EPHB1: variants seen among roughly 807,000 people sequenced by gnomAD.
EPHB1 encodes the protein ephrin type-B receptor 1.
Under a neutral mutation model 94.4 loss-of-function variants are expected in EPHB1, and 30 were observed. That is an observed-to-expected ratio of 0.32 (90% confidence interval 0.24 to 0.43). EPHB1 has a LOEUF of 0.43. EPHB1 is among the 20% of genes least tolerant of loss of function. The probability of loss-of-function intolerance (pLI) is 1.00; values close to 1 mark genes in which losing one functional copy is unlikely to be tolerated. For missense variants in EPHB1, 1,055 were observed against 1,308.3 expected (o/e 0.81, Z 2.99); for synonymous variants, 522 against 489.1 (o/e 1.07, Z -0.89).
At chr3:135,136,490 T>C (rs1687160859) in intron 5 of EPHB1, among the ~76,000 whole-genome samples, 1 of 152,238 alleles carries the variant, frequency 6.6e-6, no homozygotes, top group Non-Finnish European at 1.5e-5. Flanking sequence ...TTTTTGTTTT[T>C]GTTTCTGTTC....
At chr3:134,865,177 C>A (rs1450632335) in intron 1 of EPHB1, among the ~76,000 whole-genome samples, 6 of 151,848 alleles carry the variant, frequency 4.0e-5, no homozygotes, top group African/African-American at 1.2e-4. Context: ...CAATGCTTAC[C>A]CTTTCTACAT....
intron 1 of EPHB1, among the ~76,000 whole-genome samples, chr3:134,896,479 G>A (rs1046152823): frequency 6.6e-6 from 1 of 152,210 alleles, no homozygotes; most frequent in African/African-American, 2.4e-5. Flanking sequence ...TGCTCTTGTT[G>A]TCGTGAATAT....
intron 7 of EPHB1, among the ~76,000 whole-genome samples, chr3:135,165,270 AG>A (rs1941618713): frequency 6.6e-6 from 1 of 152,206 alleles, no homozygotes; most frequent in African/African-American, 2.4e-5. Flanking sequence ...AGGAAGTGTG[AG>A]GGTCAGAAGG....
intron 15 of EPHB1, among the ~76,000 whole-genome samples, chr3:135,258,370 C>T (rs1933507877): frequency 6.6e-6 from 1 of 152,066 alleles, no homozygotes; most frequent in Non-Finnish European, 1.5e-5. Flanking sequence ...TTATTATTAA[C>T]CTAGGAAGAA....
chr3:135,136,983 C>T (rs1187327155), intron 5 of EPHB1, among the ~76,000 whole-genome samples: 1 of 152,206 alleles, frequency 6.6e-6, no homozygotes, highest in African/African-American at 2.4e-5. Flanking sequence ...TGGCATCTGG[C>T]CCCAGATTCA....
intron 3 of EPHB1, among the ~76,000 whole-genome samples, chr3:135,069,568 C>A (rs1317829946): frequency 6.6e-6 from 1 of 152,156 alleles, no homozygotes; most frequent in Non-Finnish European, 1.5e-5. Flanking sequence ...TGAGGCCTTA[C>A]CAGGTGGGAT....
At chr3:134,926,206 G>A (rs1233072947) in intron 2 of EPHB1, among the ~76,000 whole-genome samples, 1 of 152,244 alleles carries the variant, frequency 6.6e-6, no homozygotes, top group Non-Finnish European at 1.5e-5. Flanking sequence ...CCAAAGGGCT[G>A]CAGCAAAGGC....
chr3:134,945,895 G>A (rs889637982), intron 2 of EPHB1, among the ~76,000 whole-genome samples: 1 of 152,162 alleles, frequency 6.6e-6, no homozygotes, highest in African/African-American at 2.4e-5. Flanking sequence ...ATAGGAAATT[G>A]GGCATCTACA....
chr3:134,910,005 G>A (rs1178878798), intron 1 of EPHB1, among the ~76,000 whole-genome samples: 1 of 152,194 alleles, frequency 6.6e-6, no homozygotes, highest in Non-Finnish European at 1.5e-5. Context: ...GTGGTTGGCT[G>A]CCTCCTAGTC....
intron 1 of EPHB1, among the ~76,000 whole-genome samples, chr3:134,897,901 C>T (rs1304509318): frequency 6.6e-6 from 1 of 152,168 alleles, no homozygotes; most frequent in Non-Finnish European, 1.5e-5. Context: ...AAAGCCCTTC[C>T]ATGGTAGCTC....
intron 3 of EPHB1, among the ~76,000 whole-genome samples, chr3:135,091,015 A>T (rs897599622): frequency 6.6e-6 from 1 of 152,226 alleles, no homozygotes; most frequent in African/African-American, 2.4e-5. Flanking sequence ...GAAAGGGAAA[A>T]TCTTAATCTT....
intron 3 of EPHB1, among the ~76,000 whole-genome samples, chr3:135,082,043 G>T (rs914171895): frequency 1.3e-5 from 2 of 151,956 alleles, no homozygotes; most frequent in Non-Finnish European, 2.9e-5. Context: ...GCTCTTCCCA[G>T]CATGAGTGAT....
At chr3:134,855,086 G>A (rs757778388) in intron 1 of EPHB1, among the ~76,000 whole-genome samples, 16 of 152,056 alleles carry the variant, frequency 1.1e-4, no homozygotes, top group Non-Finnish European at 1.8e-4. Flanking sequence ...CTTATTATCC[G>A]TGGTGTTTAG....
intron 2 of EPHB1, among the ~76,000 whole-genome samples, chr3:134,950,422 T>C (rs897491351): frequency 5.9e-5 from 9 of 152,244 alleles, no homozygotes; most frequent in African/African-American, 2.2e-4. Flanking sequence ...TTTGCATTAG[T>C]CCACTCTTGC....
chr3:134,984,633 C>G (rs139838184), intron 3 of EPHB1, among the ~76,000 whole-genome samples: 2,437 of 152,106 alleles, frequency 0.016, 65 homozygotes, highest in African/African-American at 0.056. Context: ...GGGAAGGGCC[C>G]TCACCTGGGC....
chr3:135,022,233 G>A (rs976190142), intron 3 of EPHB1, among the ~76,000 whole-genome samples: 5 of 152,154 alleles, frequency 3.3e-5, no homozygotes, highest in African/African-American at 9.7e-5. Context: ...GCCTCCCAAA[G>A]TGCTGGGATT....
chr3:134,983,476 G>A lies in EPHB1; in HGVS notation c.805+31424G>A, dbSNP rs555224619. ...ATGCTAATTCTCTCTTGCCATCTGG[G>A]TTCAGACTCATCCGCTGGCCAGAGG... is the stretch of plus-strand genomic sequence containing the variant. On this transcript the variant is annotated intron_variant, in intron 3 of 15. Coordinates refer to ENST00000398015, the MANE Select transcript of EPHB1 (RefSeq NM_004441.5). Among the ~76,000 whole-genome samples, 3 of 152,322 alleles carry A rather than the reference G, an allele frequency of 2.0e-5. No individual in the cohort carries two copies. In the South Asian group the frequency reaches 6.2e-4, roughly 32 times the overall value.
At chr3:134,895,228 C>T (rs1486093404) in intron 1 of EPHB1, among the ~76,000 whole-genome samples, 4 of 151,730 alleles carry the variant, frequency 2.6e-5, no homozygotes, top group Non-Finnish European at 4.4e-5. Flanking sequence ...TCCAGCTCAG[C>T]TTGGCCCCAG....
intron 3 of EPHB1, among the ~76,000 whole-genome samples, chr3:135,067,357 G>C (rs546756313): frequency 9.2e-5 from 14 of 152,234 alleles, no homozygotes; most frequent in Admixed American, 8.5e-4. Flanking sequence ...CTCCTTGGGC[G>C]TGTCTTGCTG....
Sources: allele counts gnomAD v4.1 joint callset (sites outside exome capture counted in the v4.1 genomes callset), GRCh38; gene constraint gnomAD v4.1.1; transcripts MANE v1.5; gene names NCBI Gene and HGNC (gene_info 2026-07-23, HGNC 2026-07-21).